The following PIBF1 variants were observed in gnomAD, a reference collection of about 807,000 sequenced individuals.
PIBF1 encodes progesterone immunomodulatory binding factor 1, also known as progesterone-induced-blocking factor 1.
A neutral mutation model predicts 112.5 loss-of-function variants in PIBF1; 90 were observed. That is an observed-to-expected ratio of 0.80 (90% CI 0.67 to 0.95). The LOEUF is 0.95. PIBF1 is among the 40% of genes least tolerant of loss of function. PIBF1 has a pLI of 0.00. For missense variants in PIBF1, 915 were observed against 852.3 expected, an observed-to-expected ratio of 1.07 and a Z score of -0.92; for synonymous variants, 301 against 288.6, an observed-to-expected ratio of 1.04 and a Z score of -0.44.
intron 10 of PIBF1, among the ~76,000 whole-genome samples, chr13:72,864,346 TGTAA>T (rs1336700321): frequency 6.6e-6 from 1 of 152,216 alleles, no homozygotes; most frequent in Non-Finnish European, 1.5e-5. Flanking sequence ...AATACAAATA[TGTAA>T]GTGTTACTAG....
chr13:73,010,140 A>G lies in PIBF1; in HGVS notation c.2224-5729A>G, dbSNP rs2044149098. On this transcript the variant is annotated intron_variant, in intron 17 of 17. Coordinates refer to ENST00000326291, the MANE Select transcript of PIBF1 (RefSeq NM_006346.4). ...GCCAGGAGTCACAGTTGAGAAAACA[A>G]TTTACGTTATGACCTAGTAATGATC... is the stretch of plus-strand genomic sequence containing the variant. Among the ~76,000 whole-genome samples, 4 of 151,490 alleles carry G rather than the reference A, an allele frequency of 2.6e-5. No individual in the cohort carries two copies. The South Asian group carries it at 6.2e-4, about 24-fold the overall frequency.
At chr13:72,796,332 G>C (rs1205644484) in intron 4 of PIBF1, among the ~76,000 whole-genome samples, 1 of 152,128 alleles carries the variant, frequency 6.6e-6, no homozygotes, top group Non-Finnish European at 1.5e-5. Context: ...GAGTGGGGCA[G>C]AGTCCAGGAG....
At chr13:72,891,787 G>A (rs528196975) in intron 10 of PIBF1, among the ~76,000 whole-genome samples, 18 of 152,086 alleles carry the variant, frequency 1.2e-4, no homozygotes, top group South Asian at 8.3e-4. Flanking sequence ...CATCATAGCC[G>A]AAAATCAGAA....
At chr13:72,876,518 C>T (rs1020836851) in intron 10 of PIBF1, among the ~76,000 whole-genome samples, 2 of 152,132 alleles carry the variant, frequency 1.3e-5, no homozygotes, top group Non-Finnish European at 2.9e-5. Context: ...ATAAATCAAT[C>T]TTGCAAGAAC....
At chr13:72,844,785 A>ACACACACACACG (rs2037785802) in intron 9 of PIBF1, among the ~76,000 whole-genome samples, 1 of 125,094 alleles carries the variant, frequency 8.0e-6, no homozygotes, top group African/African-American at 3.0e-5. Flanking sequence ...ACACACACAC[A>ACACACACACACG]CACACACACA....
Position 72,893,836 on chromosome 13 carries a change from C to A in PIBF1, c.1375C>A (p.Gln459Lys). 1 of 1,604,826 alleles carries A rather than the reference C, an allele frequency of 6.2e-7. No individual in the cohort carries two copies. The highest frequency in any genetic ancestry group is 8.5e-7 in the Non-Finnish European group (1 of 1,175,288). ...TESKVTEFLHQSKLKSFESER... is the reference protein window; with the variant it reads ...TESKVTEFLHKSKLKSFESER... ...AAGCAAAGTAACAGAATTTCTCCAT[C>A]AAAGTAAATTAAAATCTTTTGAAAG... Residue 459 changes from glutamine (Q) to lysine (K), a missense_variant, in exon 11 of 18, where the codon CAA (glutamine) becomes AAA (lysine). By Grantham distance (53) the Gln-to-Lys change is moderately conservative. Transcript: ENST00000326291.
chr13:72,792,454 A>T lies in PIBF1; in HGVS notation c.260A>T (p.Glu87Val). Residue 87 changes from glutamate to valine, a missense_variant, in exon 3 of 18, where the codon GAA (glutamate) becomes GTA (valine). Coordinates refer to ENST00000326291, the MANE Select transcript of PIBF1 (RefSeq NM_006346.4). ...CTTTTTCTCTTTACGAAGATTGAAG[A>T]ATTGGAGGAGAAACTTAATGATGCA... ...LKVDYLTKIE[E>V]LEEKLNDALH... The T allele has an allele frequency of 6.5e-7, 1 of 1,541,652 alleles. No homozygotes were observed. The highest frequency in any genetic ancestry group is 8.8e-7 in the Non-Finnish European group (1 of 1,139,222).
At chr13:72,821,207 G>A (rs1301541831) in intron 5 of PIBF1, among the ~76,000 whole-genome samples, 3 of 152,118 alleles carry the variant, frequency 2.0e-5, no homozygotes, top group African/African-American at 7.2e-5. Context: ...GGGGCTTGTA[G>A]GAAGCAGCAC....
In PIBF1 at chr13:72,899,430, C is replaced by A. The variant is rs192858144; in HGVS notation, c.1488+5481C>A. On this transcript the variant is annotated intron_variant, in intron 11 of 17. Transcript: ENST00000326291. ...TATCAAAAAGATAATCCATCACGAC[C>A]AAGTAGGTTTCATACCAGGGATGCT... Among the ~76,000 whole-genome samples, 10 of 152,260 alleles carry A rather than the reference C, an allele frequency of 6.6e-5. No homozygotes were observed. In the East Asian group the frequency reaches 1.9e-3, roughly 29 times the overall value.
intron 15 of PIBF1, among the ~76,000 whole-genome samples, chr13:72,970,988 C>T (rs2042873307): frequency 6.6e-6 from 1 of 152,176 alleles, no homozygotes; most frequent in Non-Finnish European, 1.5e-5. Context: ...TTTATCCCCC[C>T]ACCATTTATT....
chr13:72,942,265 TAAAAA>T (rs35561447), intron 14 of PIBF1, among the ~76,000 whole-genome samples: 1 of 134,818 alleles, frequency 7.4e-6, no homozygotes, highest in Non-Finnish European at 1.6e-5. Flanking sequence ...TTCAATGATG[TAAAAA>T]AAAAAAAAAA....
At chr13:72,945,958 T>C (rs1244613062) in intron 14 of PIBF1, among the ~76,000 whole-genome samples, 5 of 152,136 alleles carry the variant, frequency 3.3e-5, no homozygotes, top group Non-Finnish European at 7.3e-5. Flanking sequence ...TTGGGTTAAC[T>C]GGACTTTCCA....
At position 72,957,009 on chromosome 13, in the gene PIBF1, A is replaced by T. The variant is rs145972513; in HGVS notation, c.1834-8265A>T. Among the ~76,000 whole-genome samples, 1,062 of 152,324 alleles carry T rather than the reference A, an allele frequency of 7.0e-3. 22 individuals are homozygous for T. Among genetic ancestry groups the T allele is most frequent in the African/African-American group, 0.024 (992 of 41,564 alleles). Reference sequence around the variant, plus strand: ...GAATGGCGTAATGAAAAAAATTTTTAAAAAATAGATATTGGCATGGATGTG... The same window carrying T: ...GAATGGCGTAATGAAAAAAATTTTTTAAAAATAGATATTGGCATGGATGTG... On this transcript the variant is annotated intron_variant, in intron 14 of 17. Coordinates refer to ENST00000326291, the MANE Select transcript of PIBF1 (RefSeq NM_006346.4).
At chr13:72,917,361 AGT>A (rs138770685) in intron 13 of PIBF1, among the ~76,000 whole-genome samples, 195 bp downstream of exon 13, 2,118 of 152,226 alleles carry the variant, frequency 0.014, 67 homozygotes, top group African/African-American at 0.049. Context: ...GGTTTGTAGA[AGT>A]GTGCATAAGA....
chr13:73,006,116 A>G (rs2044027111), intron 17 of PIBF1, among the ~76,000 whole-genome samples: 1 of 151,636 alleles, frequency 6.6e-6, no homozygotes, highest in Non-Finnish European at 1.5e-5. Context: ...ACGGGGTTTC[A>G]CCATATTGGC....
At chr13:72,960,371 C>G (rs1445319288) in intron 14 of PIBF1, among the ~76,000 whole-genome samples, 1 of 152,104 alleles carries the variant, frequency 6.6e-6, no homozygotes, top group Admixed American at 6.5e-5. Flanking sequence ...TGGCTCTGCA[C>G]TCTAGCCTAG....
chr13:72,906,905 A>G (rs906118714), intron 11 of PIBF1, among the ~76,000 whole-genome samples: 7 of 152,092 alleles, frequency 4.6e-5, no homozygotes, highest in Admixed American at 3.9e-4. Flanking sequence ...TGACAGTGGA[A>G]TTAGTTTCAT....
intron 10 of PIBF1, among the ~76,000 whole-genome samples, chr13:72,863,410 G>A (rs2038780870): frequency 6.6e-6 from 1 of 152,122 alleles, no homozygotes; most frequent in South Asian, 2.1e-4. Flanking sequence ...CCAGCACTTT[G>A]GGAGGCCAAG....
At chr13:72,888,548 C>T (rs9543160) in intron 10 of PIBF1, among the ~76,000 whole-genome samples, 18,092 of 152,028 alleles carry the variant, frequency 0.12, 1,441 homozygotes, top group Non-Finnish European at 0.17. Context: ...TTAGGATGAT[C>T]TTTGAAGCAC....
Sources: gnomAD v4.1 joint callset for allele counts (sites outside exome capture counted in the v4.1 genomes callset) on GRCh38, gnomAD v4.1.1 for gene constraint, MANE v1.5 for transcripts, NCBI Gene and HGNC (gene_info 2026-07-23, HGNC 2026-07-21) for gene names.